Variants in CER1 observed in about 807,000 individuals in gnomAD.
CER1 encodes cerberus.
CER1 carries 10 observed loss-of-function variants against 11.8 expected under a neutral mutation model. That is an observed-to-expected ratio of 0.85 (90% CI 0.52 to 1.44). The LOEUF (loss-of-function observed/expected upper bound fraction) is 1.44. CER1 is among the 40% of genes most tolerant of loss of function. The pLI, the probability that CER1 is intolerant of heterozygous loss-of-function variation, is 0.00. For synonymous variants in CER1, 141 were observed against 122.3 expected, an observed-to-expected ratio of 1.15 and a Z score of -1.01; for missense variants, 431 against 327.0, an observed-to-expected ratio of 1.32 and a Z score of -2.45.
At chr9:14,721,666 G>A (rs1840014332) in intron 1 of CER1, among the ~76,000 whole-genome samples, 1 of 152,056 alleles carries the variant, frequency 6.6e-6, no homozygotes, top group Non-Finnish European at 1.5e-5. Context: ...TGGACTATGG[G>A]GATTAAGACC....
At chr9:14,720,783 A>G (rs1281940982) in intron 1 of CER1, among the ~76,000 whole-genome samples, 1 of 152,194 alleles carries the variant, frequency 6.6e-6, no homozygotes, top group Non-Finnish European at 1.5e-5. Context: ...CTCCCAATAC[A>G]TATTTGTTAC....
chr9:14,717,705 T>A (rs1839955891), downstream of CER1, among the ~76,000 whole-genome samples: 1 of 152,182 alleles, frequency 6.6e-6, no homozygotes, highest in Non-Finnish European at 1.5e-5. Context: ...GAGAGCTAGG[T>A]AAGTGGTAAA....
In CER1 at chr9:14,722,333, G is replaced by C; in HGVS notation, c.340C>G (p.Gln114Glu). ...TCCATTTTCATTCCATCTATCGGCT[G>C]GATGAGGGACTGGGTCCCAGGTGGG... ...PFPPGTQSLI[Q>E]PIDGMKMEKS... The change falls in exon 1 of 2, where the codon CAG becomes GAG. Residue 114 changes from glutamine to glutamate, a missense_variant. Gln to Glu is a conservative substitution (Grantham distance 29). Coordinates refer to ENST00000380911, the MANE Select transcript of CER1 (RefSeq NM_005454.3). 2 of 1,614,236 alleles carry C rather than the reference G, an allele frequency of 1.2e-6. No homozygotes were observed. The highest frequency in any genetic ancestry group is 1.7e-6 in the Non-Finnish European group (2 of 1,180,046).
downstream of CER1, chr9:14,719,608 TTCCTTCCTTCTTTCC>T: frequency 6.6e-6 from 1 of 150,982 alleles, no homozygotes; most frequent in African/African-American, 2.5e-5. Flanking sequence ...CCTTCCTTCC[TTCCTTCCTTCTTTCC>T]TTCCTTCCTT....
At position 14,722,148 on chromosome 9, in the gene CER1, T is replaced by TC. The variant is rs57310634; in HGVS notation, c.507+17dup. 0.019 allele frequency: 30,641 copies of TC among 1,601,330 alleles called. 428 individuals are homozygous for TC. Among genetic ancestry groups the TC allele is most frequent in the East Asian group, 0.063 (2,799 of 44,724 alleles). ...ACCACCTGCAAACTCTTACCTGCTC[T>TC]CCCCCCAGAACACATACCTGGCTGA... On this transcript the variant is annotated intron_variant, in intron 1 of 1. Transcript: ENST00000380911.
downstream of CER1, chr9:14,719,577 T>C (rs1426472342): frequency 1.5e-5 from 2 of 131,524 alleles, no homozygotes; most frequent in South Asian, 4.5e-4. Context: ...CTTCCTTCCT[T>C]CCTTCCTTCC....
In CER1 at chr9:14,720,399, C is replaced by T. The variant is rs747007452; in HGVS notation, c.508-13G>A. 46 of 1,598,294 alleles carry T rather than the reference C, an allele frequency of 2.9e-5. 1 individual carries two copies. The South Asian group carries it at 4.8e-4, about 17-fold the overall frequency. ...CGTGGGTTATAGTCTAAAAAGCAAA[C>T]ACATTTCCATTACGTTATTTTGAAT... On this transcript the variant is annotated splice_polypyrimidine_tract_variant and intron_variant, in intron 1 of 1. Transcript: ENST00000380911.
chr9:14,720,364 T>C lies in CER1; in HGVS notation c.530A>G (p.Glu177Gly). ...FSQTITHEGCEKVVVQNNLCF... is the reference protein window; with the variant it reads ...FSQTITHEGCGKVVVQNNLCF... ...AAGGTTGTTCTGAACAACTACTTTT[T>C]CACAGCCTTCGTGGGTTATAGTCTA... Residue 177 changes from glutamate to glycine, a missense_variant, in exon 2 of 2, where the codon GAA (glutamate) becomes GGA (glycine). Transcript: ENST00000380911. 1 of 1,612,114 alleles carries C rather than the reference T, an allele frequency of 6.2e-7. No homozygotes were observed. Among genetic ancestry groups the C allele is most frequent in the Non-Finnish European group, 8.5e-7 (1 of 1,178,786 alleles).
At chr9:14,721,347 G>C (rs368599116) in intron 1 of CER1, among the ~76,000 whole-genome samples, 2 of 152,300 alleles carry the variant, frequency 1.3e-5, no homozygotes, top group Non-Finnish European at 2.9e-5. Flanking sequence ...ATTGCCAGAG[G>C]AAGTAGACAG....
At chr9:14,718,521 A>C (rs1483807149), downstream of CER1, among the ~76,000 whole-genome samples, 1 of 152,206 alleles carries the variant, frequency 6.6e-6, no homozygotes, top group Non-Finnish European at 1.5e-5. Flanking sequence ...TGTGTTACAA[A>C]ATATACACTA....
At chr9:14,718,546 T>C (rs1343382880), downstream of CER1, among the ~76,000 whole-genome samples, 4 of 152,222 alleles carry the variant, frequency 2.6e-5, no homozygotes, top group Non-Finnish European at 4.4e-5. Context: ...TAAATGCCTT[T>C]GCTTCTTTGG....
At position 14,720,374 on chromosome 9, in the gene CER1, C is replaced by T. The variant is rs201357342; in HGVS notation, c.520G>A (p.Glu174Lys). 32 of 1,611,240 alleles carry T rather than the reference C, an allele frequency of 2.0e-5. No individual in the cohort carries two copies. Among genetic ancestry groups the T allele is most frequent in the Admixed American group, 1.0e-4 (6 of 60,002 alleles). The change falls in exon 2 of 2, where the codon GAA becomes AAA. Residue 174 changes from glutamate (E) to lysine (K), a missense_variant. Coordinates refer to ENST00000380911, the MANE Select transcript of CER1 (RefSeq NM_005454.3). ...TGAACAACTACTTTTTCACAGCCTTCGTGGGTTATAGTCTAAAAAGCAAAC... is the reference window on the plus strand; with the variant it reads ...TGAACAACTACTTTTTCACAGCCTTTGTGGGTTATAGTCTAAAAAGCAAAC... Reference protein sequence around the residue: ...TVPFSQTITHEGCEKVVVQNN... With the variant: ...TVPFSQTITHKGCEKVVVQNN...
chr9:14,720,321 C>T lies in CER1; in HGVS notation c.573G>A (p.Gly191=), dbSNP rs1384881591. ...GCGCGGCTCCAGGAAAATGAACAGA[C>T]CCGCATTTCCCAAAGCAAAGGTTGT... The part of the protein sequence containing the change: ...VQNNLCFGKC[G]SVHFPGAAQH... Residue 191 remains glycine (G), a synonymous_variant, in exon 2 of 2, where the codon GGG becomes GGA. Transcript: ENST00000380911. 1 of 1,613,882 alleles carries T rather than the reference C, an allele frequency of 6.2e-7. No individual in the cohort carries two copies. The highest frequency in any genetic ancestry group is 8.5e-7 in the Non-Finnish European group (1 of 1,180,036).
At chr9:14,718,032 TAA>T (rs568094512), downstream of CER1, among the ~76,000 whole-genome samples, 274 of 152,348 alleles carry the variant, frequency 1.8e-3, 1 homozygote, top group Admixed American at 3.8e-3. Context: ...TCAACCTTTG[TAA>T]ATTGCCTTTT....
At position 14,722,240 on chromosome 9, in the gene CER1, A is replaced by G. The variant is rs1170785010; in HGVS notation, c.433T>C (p.Ser145Pro). 5 of 1,614,164 alleles carry G rather than the reference A, an allele frequency of 3.1e-6. No homozygotes were observed. Among genetic ancestry groups the G allele is most frequent in the Non-Finnish European group, 4.2e-6 (5 of 1,180,018 alleles). Residue 145 changes from serine (S) to proline (P), a missense_variant, in exon 1 of 2, where the codon TCT (serine) becomes CCT (proline). Ser to Pro is a moderately conservative substitution (Grantham distance 74). Coordinates refer to ENST00000380911, the MANE Select transcript of CER1 (RefSeq NM_005454.3). ...HHFMFRKTPA[S>P]QGVILPIKSH... ...TTGATGGGCAAGATGACCCCCTGAG[A>G]AGCCGGAGTTTTTCTGAACATGAAG... is the stretch of plus-strand genomic sequence containing the variant.
downstream of CER1, chr9:14,719,583 C>CTTCT: frequency 1.5e-5 from 2 of 135,108 alleles, no homozygotes; most frequent in African/African-American, 7.0e-5. Flanking sequence ...TCCTTCCTTC[C>CTTCT]TTCCTTCCTT....
In CER1 at chr9:14,720,249, G is replaced by A. The variant is rs146765149; in HGVS notation, c.645C>T (p.Thr215=). Residue 215 remains threonine (T), a synonymous_variant, in exon 2 of 2, where the codon ACC becomes ACT. Coordinates refer to ENST00000380911, the MANE Select transcript of CER1 (RefSeq NM_005454.3). ...TGCAGTTCAGTGGCAAGTGCATCGT[G>A]GTGAACTTGGCAGGCAAACAGTGAG... ...SCSHCLPAKF[T]TMHLPLNCTE... The A allele has an allele frequency of 2.6e-3, 4,165 of 1,614,092 alleles. 8 individuals are homozygous for A. Among genetic ancestry groups the A allele is most frequent in the Middle Eastern group, 3.5e-3 (21 of 6,016 alleles).
At position 14,722,250 on chromosome 9, in the gene CER1, T is replaced by A. The variant is rs1361590957; in HGVS notation, c.423A>T (p.Lys141Asn). ...AGATGACCCCCTGAGAAGCCGGAGT[T>A]TTTCTGAACATGAAGTGGTGCCAGA... ...KKFWHHFMFR[K>N]TPASQGVILP... The change falls in exon 1 of 2, where the codon AAA (lysine) becomes AAT (asparagine). Residue 141 changes from lysine to asparagine, a missense_variant. Physicochemically the swap from Lys to Asn is moderately conservative, Grantham distance 94 (BLOSUM62 0). Coordinates refer to ENST00000380911, the MANE Select transcript of CER1 (RefSeq NM_005454.3). 6.2e-7 allele frequency: 1 copy of A among 1,614,016 alleles called. No homozygotes were observed. The highest frequency in any genetic ancestry group is 1.3e-5 in the African/African-American group (1 of 74,898).
Position 14,719,762 on chromosome 9 carries a change from G to C in CER1, c.*328C>G, listed in dbSNP as rs1213546415. 1 of 224,518 alleles carries C rather than the reference G, an allele frequency of 4.5e-6. No homozygotes were observed. The highest frequency in any genetic ancestry group is 9.0e-6 in the Non-Finnish European group (1 of 110,854). 13.9% of individuals were successfully genotyped at this position (224,518 alleles called of 1,614,324 possible). A position where few individuals can be genotyped will look rare whatever the true frequency, so the allele number is the denominator to read the frequency against. ...GATGGAGGGCTTTTACCCAAACTTG[G>C]AGAAAATGCATCACGGAATATTAGT... On this transcript the variant is annotated 3_prime_UTR_variant, in exon 2 of 2. Coordinates refer to ENST00000380911, the MANE Select transcript of CER1 (RefSeq NM_005454.3).
Sources: allele counts gnomAD v4.1 joint callset (sites outside exome capture counted in the v4.1 genomes callset), GRCh38; gene constraint gnomAD v4.1.1; transcripts MANE v1.5; gene names NCBI Gene and HGNC (gene_info 2026-07-23, HGNC 2026-07-21).